CEP152: variants seen among roughly 807,000 people sequenced by gnomAD.
CEP152 encodes the protein centrosomal protein 152, also known as centrosomal protein of 152 kDa.
A neutral mutation model predicts 188.9 loss-of-function variants in CEP152; 132 were observed. That is an observed-to-expected ratio of 0.70 (90% CI 0.61 to 0.81). The LOEUF (loss-of-function observed/expected upper bound fraction) is 0.81. CEP152 is among the 30% of genes least tolerant of loss of function. CEP152 has a pLI of 0.00. For missense variants in CEP152, 1,914 were observed against 1,969.8 expected (o/e 0.97, Z 0.54); for synonymous variants, 649 against 666.6 (o/e 0.97, Z 0.41).
chr15:48,780,638 T>A (rs548198679), intron 12 of CEP152, among the ~76,000 whole-genome samples: 5 of 152,300 alleles, frequency 3.3e-5, no homozygotes, highest in African/African-American at 1.2e-4. Context: ...CTCTTCCCTA[T>A]CCAAAACCAG....
rs560864910 is a variant in CEP152 at position 48,750,965 on chromosome 15, G to C, written c.3466+1384C>G. Among the ~76,000 whole-genome samples the C allele has an allele frequency of 1.5e-3, 229 of 152,194 alleles. 1 individual carries two copies. In the South Asian group the frequency reaches 0.016, roughly 10 times the overall value. ...TGAATAATGGGTTCCTGGTTGCTAG[G>C]CTTCATAACTTACAGATGCATACAT... On this transcript the variant is annotated intron_variant, in intron 21 of 26. Transcript: ENST00000380950.
chr15:48,774,170 T>C (rs991369638), intron 12 of CEP152, among the ~76,000 whole-genome samples: 3 of 151,942 alleles, frequency 2.0e-5, no homozygotes, highest in Admixed American at 2.0e-4. Flanking sequence ...AGTGAACACA[T>C]AGATATAGAA....
At chr15:48,735,667 G>A (rs1448555042), downstream of CEP152, among the ~76,000 whole-genome samples, 5 of 152,082 alleles carry the variant, frequency 3.3e-5, no homozygotes, top group South Asian at 2.1e-4. Context: ...CCCGGGAGAC[G>A]GAGGTTGCAA....
At chr15:48,776,823 G>A (rs1895943777) in intron 12 of CEP152, among the ~76,000 whole-genome samples, 1 of 152,044 alleles carries the variant, frequency 6.6e-6, no homozygotes, top group Non-Finnish European at 1.5e-5. Context: ...GAAGTAAGGT[G>A]AGATTATTGG....
In CEP152 at chr15:48,782,241, A is replaced by C. The variant is rs1479553505; in HGVS notation, c.1322-11T>G. 2 of 1,612,832 alleles carry C rather than the reference A, an allele frequency of 1.2e-6. No homozygotes were observed. Among genetic ancestry groups the C allele is most frequent in the Admixed American group, 3.3e-5 (2 of 60,002 alleles). ...CCTCTTGTACTGACCCTGCAGAGGAAAGAACCATAGGATATACTGAAAAAA... is the reference window on the plus strand; with the variant it reads ...CCTCTTGTACTGACCCTGCAGAGGACAGAACCATAGGATATACTGAAAAAA... On this transcript the variant is annotated splice_polypyrimidine_tract_variant and intron_variant, in intron 10 of 26. Coordinates refer to ENST00000380950, the MANE Select transcript of CEP152 (RefSeq NM_001194998.2).
chr15:48,760,428 T>C (rs1348205398), intron 18 of CEP152, among the ~76,000 whole-genome samples, 162 bp from the exon 19 acceptor site: 3 of 152,242 alleles, frequency 2.0e-5, no homozygotes, highest in Admixed American at 6.5e-5. Flanking sequence ...CAGTGGATTC[T>C]AATCCTTTTG....
intron 2 of CEP152, among the ~76,000 whole-genome samples, chr15:48,732,006 AC>A (rs1290549126): frequency 6.6e-6 from 1 of 152,140 alleles, no homozygotes. Flanking sequence ...CAATCATCTC[AC>A]GTGATTATTA....
rs1243559545 is a variant in CEP152 at position 48,767,182 on chromosome 15, C to A, written c.2158G>T (p.Asp720Tyr). The change falls in exon 17 of 27, where the codon GAT (aspartate) becomes TAT (tyrosine). Residue 720 changes from aspartate (D) to tyrosine (Y), a missense_variant. By Grantham distance (160) the Asp-to-Tyr change is radical. Transcript: ENST00000380950. ...GCAGTCACCTCCTTATTCAACTTAT[C>A]CAACTCAGACCTTGGATACACAAAA... ...RTHLQLRSEL[D>Y]KLNKEVTAVQ... is the part of the protein sequence containing the mutation. 1 of 1,613,834 alleles carries A rather than the reference C, an allele frequency of 6.2e-7. No homozygotes were observed. Among genetic ancestry groups the A allele is most frequent in the East Asian group, 2.2e-5 (1 of 44,864 alleles).
chr15:48,738,929 T>C lies in CEP152; in HGVS notation c.4453A>G (p.Asn1485Asp). The change falls in exon 27 of 27, where the codon AAT becomes GAT. Residue 1485 changes from asparagine (N) to aspartate (D), a missense_variant. Transcript: ENST00000380950. ...GAATGCGGAAGTGATTCAGAACCATTATCACTGAGTAGGTCTTTCTTCTTG... is the reference window on the plus strand; with the variant it reads ...GAATGCGGAAGTGATTCAGAACCATCATCACTGAGTAGGTCTTTCTTCTTG... The part of the protein sequence containing the change: ...LHKKKDLLSD[N>D]GSESLPHSAA... The C allele has an allele frequency of 6.2e-7, 1 of 1,614,106 alleles. No individual in the cohort carries two copies. The highest frequency in any genetic ancestry group is 8.5e-7 in the Non-Finnish European group (1 of 1,179,978).
chr15:48,788,819 G>C lies in CEP152; in HGVS notation c.1155C>G (p.Val385=). 2.5e-6 allele frequency: 4 copies of C among 1,614,084 alleles called. No homozygotes were observed. Among genetic ancestry groups the C allele is most frequent in the Non-Finnish European group, 3.4e-6 (4 of 1,180,014 alleles). Residue 385 remains valine, a synonymous_variant, in exon 9 of 27, where the codon GTC becomes GTG. Coordinates refer to ENST00000380950, the MANE Select transcript of CEP152 (RefSeq NM_001194998.2). The part of the protein sequence containing the change: ...LSLQKNLDAT[V]TALKEQEDIC... The stretch of plus-strand genomic sequence containing the variant: ...TCCCAACCTGTTCTTTAAGTGCGGT[G>C]ACTGTGGCATCCAAATTCTTTTGTA...
chr15:48,793,930 C>A (rs1441109815), intron 6 of CEP152, among the ~76,000 whole-genome samples: 1 of 152,118 alleles, frequency 6.6e-6, no homozygotes, highest in Admixed American at 6.5e-5. Flanking sequence ...AAGAAAATTT[C>A]TAGACAGCCT....
chr15:48,806,312 G>GT (rs2140936014), intron 1 of CEP152, among the ~76,000 whole-genome samples: 1 of 152,348 alleles, frequency 6.6e-6, no homozygotes, highest in African/African-American at 2.4e-5. Context: ...AACAGCAAGA[G>GT]TTCCCTGGGG....
rs764880513 is a variant in CEP152 at position 48,738,910 on chromosome 15, G to T, written c.4472C>A (p.Pro1491Gln). The change falls in exon 27 of 27, where the codon CCG (proline) becomes CAG (glutamine). Residue 1491 changes from proline to glutamine, a missense_variant. Physicochemically the swap from Pro to Gln is moderately conservative, Grantham distance 76 (BLOSUM62 -1). Coordinates refer to ENST00000380950, the MANE Select transcript of CEP152 (RefSeq NM_001194998.2). ...LLSDNGSESL[P>Q]HSAAYPFLGT... ...AAGAAAGGGGTATGCAGCTGAATGC[G>T]GAAGTGATTCAGAACCATTATCACT... The T allele has an allele frequency of 9.3e-6, 15 of 1,614,182 alleles. No individual in the cohort carries two copies. The highest frequency in any genetic ancestry group is 1.3e-5 in the Non-Finnish European group (15 of 1,180,022).
chr15:48,780,584 CT>C (rs1467309865), intron 12 of CEP152, among the ~76,000 whole-genome samples: 1 of 152,176 alleles, frequency 6.6e-6, no homozygotes, highest in Non-Finnish European at 1.5e-5. Context: ...ATCCAAAAAT[CT>C]TTTCTTAACC....
chr15:48,767,131 A>C lies in CEP152; in HGVS notation c.2209T>G (p.Cys737Gly). ...AATTCTAGATTATCCTTCTCTCTGC[A>C]CACTTCTAGGTAACATTCCTGCACA... The part of the protein sequence containing the change: ...TAVQECYLEV[C>G]REKDNLELTL... Residue 737 changes from cysteine to glycine, a missense_variant, in exon 17 of 27, where the codon TGC becomes GGC. Coordinates refer to ENST00000380950, the MANE Select transcript of CEP152 (RefSeq NM_001194998.2). The C allele has an allele frequency of 6.2e-7, 1 of 1,613,782 alleles. No individual in the cohort carries two copies. The highest frequency in any genetic ancestry group is 2.2e-5 in the East Asian group (1 of 44,852).
intron 19 of CEP152, among the ~76,000 whole-genome samples, chr15:48,757,185 T>G (rs1480839148): frequency 6.6e-6 from 1 of 152,120 alleles, no homozygotes; most frequent in Admixed American, 6.5e-5. Flanking sequence ...CTGACACCAA[T>G]TTGCAGAGGA....
chr15:48,731,906 T>C (rs1892435419), intron 2 of CEP152, among the ~76,000 whole-genome samples: 1 of 152,168 alleles, frequency 6.6e-6, no homozygotes, highest in Non-Finnish European at 1.5e-5. Flanking sequence ...AGGAGACATT[T>C]ATGTGACCAA....
chr15:48,741,648 A>T lies in CEP152; in HGVS notation c.4046T>A (p.Leu1349Gln). 6.2e-7 allele frequency: 1 copy of T among 1,614,190 alleles called. No individual in the cohort carries two copies. The highest frequency in any genetic ancestry group is 8.5e-7 in the Non-Finnish European group (1 of 1,180,028). Residue 1349 changes from leucine to glutamine, a missense_variant, in exon 26 of 27, where the codon CTG becomes CAG. Leu to Gln is a moderately radical substitution (Grantham distance 113). Coordinates refer to ENST00000380950, the MANE Select transcript of CEP152 (RefSeq NM_001194998.2). ...ASKLATMAKLLETPISSKSQS... is the reference protein window; with the variant it reads ...ASKLATMAKLQETPISSKSQS... ...GGACTTACTAGAAATAGGTGTTTCC[A>T]GTAATTTTGCCATTGTAGCAAGTTT...
chr15:48,759,989 T>TGCTA, intron 19 of CEP152, 146 bp downstream of exon 19: 1 of 1,012,982 alleles, frequency 9.9e-7, no homozygotes, highest in Non-Finnish European at 1.5e-6. Context: ...CAAGAACACT[T>TGCTA]GCTAGGCTTT....
Sources: allele counts gnomAD v4.1 joint callset (sites outside exome capture counted in the v4.1 genomes callset), GRCh38; gene constraint gnomAD v4.1.1; transcripts MANE v1.5; gene names NCBI Gene and HGNC (gene_info 2026-07-23, HGNC 2026-07-21).